LRRN2: variants seen among roughly 807,000 people sequenced by gnomAD.
LRRN2 encodes leucine-rich repeat neuronal protein 2.
In LRRN2, 10 loss-of-function variants were observed where a neutral mutation model predicts 35.7. The observed-to-expected ratio is 0.28, with a 90% CI of 0.17 to 0.47. The LOEUF is 0.47. Ranked by LOEUF, LRRN2 falls within the 20% of genes least tolerant of loss-of-function variation. LRRN2 has a pLI of 0.99. For missense variants in LRRN2, 731 were observed against 940.3 expected (o/e 0.78, Z 2.91); for synonymous variants, 391 against 409.6 (o/e 0.95, Z 0.55).
At chr1:204,682,710 C>G (rs1000486177) in intron 1 of LRRN2, among the ~76,000 whole-genome samples, 1 of 152,206 alleles carries the variant, frequency 6.6e-6, no homozygotes, top group African/African-American at 2.4e-5. Context: ...GAAGCACCAG[C>G]CTTCTACTTG....
intron 1 of LRRN2, among the ~76,000 whole-genome samples, chr1:204,676,105 C>T (rs1286736880): frequency 1.3e-5 from 2 of 151,728 alleles, no homozygotes; most frequent in Non-Finnish European, 2.9e-5. Context: ...CAGTTGTCTG[C>T]TCATTTTTAT....
intron 1 of LRRN2, among the ~76,000 whole-genome samples, chr1:204,635,343 A>G (rs1316059463): frequency 6.6e-6 from 1 of 152,102 alleles, no homozygotes; most frequent in African/African-American, 2.4e-5. Flanking sequence ...TTTAAATGTA[A>G]TGTGTCTTGG....
Position 204,665,598 on chromosome 1 carries a change from T to C in LRRN2, c.-227+19722A>G, listed in dbSNP as rs181924629. Among the ~76,000 whole-genome samples the C allele has an allele frequency of 5.1e-4, 77 of 152,346 alleles. 1 individual carries two copies. The highest frequency in any genetic ancestry group is 1.5e-3 in the African/African-American group (64 of 41,576). On this transcript the variant is annotated intron_variant, in intron 1 of 1. Transcript: ENST00000367177. ...CCCCTTGACGCCACAGGGCACTCTC[T>C]GTGAAAGGCCCACCCTGGAGACCCC... is the stretch of plus-strand genomic sequence containing the variant.
rs913643975 is a variant in LRRN2, at chr1:204,685,613, G to A, written c.-520C>T. The A allele has an allele frequency of 6.6e-6, 1 of 151,958 alleles. No homozygotes were observed. The highest frequency in any genetic ancestry group is 1.5e-5 in the Non-Finnish European group (1 of 67,976). The allele number at this position is 151,958 out of a possible 1,614,324, so 9.4% of individuals were successfully genotyped here. On this transcript the variant is annotated 5_prime_UTR_variant, in exon 1 of 2. Transcript: ENST00000367177. ...CGGGCGAGAGCCAGGCGCTCCTTGAGAGCGCCGCGCGTTCGCAGGTGCCCG... is the reference window on the plus strand; with the variant it reads ...CGGGCGAGAGCCAGGCGCTCCTTGAAAGCGCCGCGCGTTCGCAGGTGCCCG...
chr1:204,630,197 C>G (rs7531829), intron 1 of LRRN2, among the ~76,000 whole-genome samples: 1 of 151,884 alleles, frequency 6.6e-6, no homozygotes, highest in Admixed American at 6.6e-5. Context: ...CCTGGATGAA[C>G]AGAGGGAAGC....
At position 204,618,187 on chromosome 1, in the gene LRRN2, A is replaced by G. The variant is rs1666510941; in HGVS notation, c.1806T>C (p.Ala602=). The G allele has an allele frequency of 6.2e-7, 1 of 1,614,130 alleles. No individual in the cohort carries two copies. The highest frequency in any genetic ancestry group is 8.5e-7 in the Non-Finnish European group (1 of 1,180,006). The part of the protein sequence containing the change: ...EYWACLQVAF[A]DAHTQLACVW... ...CACAAGCCAACTGGGTGTGGGCATC[A>G]GCAAAGGCCACTTGCAGGCAGGCCC... The change falls in exon 2 of 2, where the codon GCT becomes GCC. Residue 602 remains alanine (A), a synonymous_variant. Transcript: ENST00000367177.
At position 204,619,925 on chromosome 1, in the gene LRRN2, A is replaced by G; in HGVS notation, c.68T>C (p.Val23Ala). 1.2e-6 allele frequency: 2 copies of G among 1,613,736 alleles called. No individual in the cohort carries two copies. Among genetic ancestry groups the G allele is most frequent in the South Asian group, 2.2e-5 (2 of 91,044 alleles). The change falls in exon 2 of 2, where the codon GTA (valine) becomes GCA (alanine). Residue 23 changes from valine (V) to alanine (A), a missense_variant. Val to Ala is a moderately conservative substitution (Grantham distance 64). Around this residue, in one of 3 missense-constraint regions of LRRN2, gnomAD observed 246 missense variants for 289.5 expected, o/e 0.85. Coordinates refer to ENST00000367177, the MANE Select transcript of LRRN2 (RefSeq NM_201630.2). ...AGGGGGGCAGGGAACATGCCAGGGT[A>G]CCACGGGCACAGCGGCAGTGGCACC... is the stretch of plus-strand genomic sequence containing the variant. ...VAGATAAVPV[V>A]PWHVPCPPQC...
chr1:204,664,348 C>T (rs904839868), intron 1 of LRRN2: 19 of 152,858 alleles, frequency 1.2e-4, no homozygotes, highest in African/African-American at 4.3e-4. Context: ...TGAATCTGCC[C>T]CTCACCGTGC....
Position 204,618,622 on chromosome 1 carries a change from C to G in LRRN2, c.1371G>C (p.Trp457Cys). ...ALAEPEPEIY[W>C]VTPAGLRLTP... is the part of the protein sequence containing the mutation. ...TCAGTCGAAGCCCAGCTGGAGTGAC[C>G]CAGTAGATCTCGGGTTCGGGTTCGG... is the stretch of plus-strand genomic sequence containing the variant. Residue 457 changes from tryptophan (W) to cysteine (C), a missense_variant, in exon 2 of 2, where the codon TGG becomes TGC. Physicochemically the swap from Trp to Cys is radical, Grantham distance 215. Transcript: ENST00000367177. 6.2e-7 allele frequency: 1 copy of G among 1,613,310 alleles called. No homozygotes were observed. Among genetic ancestry groups the G allele is most frequent in the Non-Finnish European group, 8.5e-7 (1 of 1,179,604 alleles).
At chr1:204,666,572 TC>T (rs1257422922) in intron 1 of LRRN2, among the ~76,000 whole-genome samples, 1 of 152,170 alleles carries the variant, frequency 6.6e-6, no homozygotes, top group Non-Finnish European at 1.5e-5. Context: ...TTGTGGCACA[TC>T]CCTATCATGT....
chr1:204,622,142 G>A (rs768822786), intron 1 of LRRN2: 1 of 167,216 alleles, frequency 6.0e-6, no homozygotes, highest in Admixed American at 6.5e-5. Flanking sequence ...ATCTGACCCT[G>A]CCCTGGGCCT....
At chr1:204,665,218 A>G (rs1668551743) in intron 1 of LRRN2, among the ~76,000 whole-genome samples, 1 of 152,198 alleles carries the variant, frequency 6.6e-6, no homozygotes, top group African/African-American at 2.4e-5. Context: ...TGCCTCTAAC[A>G]ACAGAGTGAT....
intron 1 of LRRN2, among the ~76,000 whole-genome samples, chr1:204,654,739 G>A (rs1668310581): frequency 6.6e-6 from 1 of 152,226 alleles, no homozygotes; most frequent in Non-Finnish European, 1.5e-5. Flanking sequence ...GCATTAACCA[G>A]TGCGTGCTGG....
In LRRN2 at chr1:204,618,156, C is replaced by G; in HGVS notation, c.1837G>C (p.Ala613Pro). Residue 613 changes from alanine (A) to proline (P), a missense_variant, in exon 2 of 2, where the codon GCC becomes CCC. This residue lies in a region of LRRN2 where 229 missense variants were observed against 258.4 expected (regional missense o/e 0.89). Transcript: ENST00000367177. ...DAHTQLACVW[A>P]RTKEATSCHR... ...CAAGAAGTGGCCTCTTTGGTCCTGG[C>G]CCATACACAAGCCAACTGGGTGTGG... The G allele has an allele frequency of 6.2e-7, 1 of 1,614,076 alleles. No individual in the cohort carries two copies. Among genetic ancestry groups the G allele is most frequent in the Non-Finnish European group, 8.5e-7 (1 of 1,179,964 alleles).
chr1:204,657,247 G>A (rs1288454632), intron 1 of LRRN2, among the ~76,000 whole-genome samples: 1 of 152,004 alleles, frequency 6.6e-6, no homozygotes, highest in African/African-American at 2.4e-5. Context: ...GGAGGTTGCA[G>A]TGAGCCAAGA....
At chr1:204,679,145 C>A (rs1668885009) in intron 1 of LRRN2, among the ~76,000 whole-genome samples, 1 of 152,206 alleles carries the variant, frequency 6.6e-6, no homozygotes. Flanking sequence ...TCTGGGCAGG[C>A]ACTTTCTCAG....
At chr1:204,674,329 C>T (rs995596520) in intron 1 of LRRN2, among the ~76,000 whole-genome samples, 1 of 151,542 alleles carries the variant, frequency 6.6e-6, no homozygotes, top group Admixed American at 6.6e-5. Context: ...CCTCACTACT[C>T]TCCCAGCTCT....
chr1:204,652,272 C>CTG (rs1668251733), intron 1 of LRRN2, among the ~76,000 whole-genome samples: 1 of 62,098 alleles, frequency 1.6e-5, no homozygotes, highest in Non-Finnish European at 3.0e-5. Flanking sequence ...CCCCCCCCCG[C>CTG]CCCCCCGCCG....
chr1:204,640,888 A>G (rs1201552241), intron 1 of LRRN2, among the ~76,000 whole-genome samples: 1 of 152,060 alleles, frequency 6.6e-6, no homozygotes, highest in Non-Finnish European at 1.5e-5. Flanking sequence ...CCACATCATT[A>G]CCGCCCAAGT....
Sources: gnomAD v4.1 joint callset for allele counts (sites outside exome capture counted in the v4.1 genomes callset) on GRCh38, gnomAD v4.1.1 for gene constraint, gnomAD v4.1.1 regional missense constraint, MANE v1.5 for transcripts, NCBI Gene and HGNC (gene_info 2026-07-23, HGNC 2026-07-21) for gene names.